Variants in SCAPER observed in about 807,000 individuals in gnomAD.
The protein encoded by SCAPER is S phase cyclin A-associated protein in the endoplasmic reticulum.
SCAPER carries 98 observed loss-of-function variants against 182.2 expected under a neutral mutation model. The observed-to-expected ratio is 0.54, with a 90% confidence interval of 0.46 to 0.64. The LOEUF (loss-of-function observed/expected upper bound fraction) is 0.64. SCAPER is among the 30% of genes least tolerant of loss of function. The probability of loss-of-function intolerance (pLI) is 0.00; values close to 1 mark genes in which losing one functional copy is unlikely to be tolerated. For synonymous variants in SCAPER, 605 were observed against 564.6 expected (o/e 1.07, Z -1.01); for missense variants, 1,432 against 1,690.0 (o/e 0.85, Z 2.68).
intron 29 of SCAPER, among the ~76,000 whole-genome samples, chr15:76,363,717 A>G (rs2141761313): frequency 6.6e-6 from 1 of 152,364 alleles, no homozygotes; most frequent in East Asian, 1.9e-4. Flanking sequence ...AAATTCATTA[A>G]AAAAGACAGC....
At chr15:76,419,874 T>C (rs982722245) in intron 26 of SCAPER, among the ~76,000 whole-genome samples, 1 of 152,132 alleles carries the variant, frequency 6.6e-6, no homozygotes, top group African/African-American at 2.4e-5. Flanking sequence ...TGAACACAGA[T>C]GCAAAAATTC....
chr15:76,898,510 T>A (rs1364984610), intron 1 of SCAPER, among the ~76,000 whole-genome samples: 1 of 152,146 alleles, frequency 6.6e-6, no homozygotes, highest in African/African-American at 2.4e-5. Context: ...AACTGATAAA[T>A]GAATAAATAA....
intron 1 of SCAPER, among the ~76,000 whole-genome samples, chr15:76,886,125 T>C (rs1331181557): frequency 1.3e-5 from 2 of 152,184 alleles, no homozygotes; most frequent in Non-Finnish European, 2.9e-5. Flanking sequence ...AAATTGTACA[T>C]GAACCCCATA....
intron 4 of SCAPER, among the ~76,000 whole-genome samples, chr15:76,850,818 C>T (rs778588220): frequency 7.0e-4 from 104 of 148,008 alleles, no homozygotes; most frequent in Non-Finnish European, 1.3e-3. Flanking sequence ...AGAGATTGCG[C>T]CATTGTATTC....
At chr15:76,545,625 G>A (rs2045210270) in intron 23 of SCAPER, among the ~76,000 whole-genome samples, 1 of 152,108 alleles carries the variant, frequency 6.6e-6, no homozygotes. Flanking sequence ...GCTATCTCAG[G>A]ACTGTGATGC....
chr15:76,459,563 T>C (rs1282677185), intron 25 of SCAPER, among the ~76,000 whole-genome samples: 9 of 151,306 alleles, frequency 5.9e-5, no homozygotes, highest in Non-Finnish European at 1.2e-4. Flanking sequence ...TTTGCTGTTG[T>C]ATACTCTGGA....
At chr15:76,622,301 A>C (rs1179732468) in intron 21 of SCAPER, among the ~76,000 whole-genome samples, 1 of 152,182 alleles carries the variant, frequency 6.6e-6, no homozygotes, top group Non-Finnish European at 1.5e-5. Flanking sequence ...AAAGAGGAAA[A>C]TGCCAATTTA....
intron 23 of SCAPER, among the ~76,000 whole-genome samples, chr15:76,546,946 T>A (rs2045350239): frequency 1.3e-5 from 2 of 152,170 alleles, no homozygotes; most frequent in South Asian, 4.1e-4. Flanking sequence ...TTCTGCCATT[T>A]TTCCACTGAT....
chr15:76,607,302 C>G (rs562580182), intron 22 of SCAPER, among the ~76,000 whole-genome samples: 6 of 152,270 alleles, frequency 3.9e-5, no homozygotes, highest in East Asian at 1.9e-4. Flanking sequence ...ATATGAAATT[C>G]TGGGTTGAAA....
intron 26 of SCAPER, among the ~76,000 whole-genome samples, chr15:76,421,538 C>A (rs1005103790): frequency 6.6e-6 from 1 of 151,162 alleles, no homozygotes; most frequent in African/African-American, 2.4e-5. Context: ...GTCAGATGAG[C>A]AGATTGCAAA....
At chr15:76,904,652 T>C (rs1195001405) in intron 1 of SCAPER, 2 of 152,250 alleles carry the variant, frequency 1.3e-5, no homozygotes, top group African/African-American at 4.8e-5. Flanking sequence ...AAGGAAGTGC[T>C]GTTTTGGAAA....
intron 24 of SCAPER, among the ~76,000 whole-genome samples, chr15:76,497,579 A>T (rs1049073938): frequency 6.6e-6 from 1 of 152,056 alleles, no homozygotes; most frequent in Non-Finnish European, 1.5e-5. Flanking sequence ...AAGGAAGGAA[A>T]CTCATAGTAA....
intron 21 of SCAPER, among the ~76,000 whole-genome samples, chr15:76,636,249 C>T (rs1208101576): frequency 6.6e-6 from 1 of 152,120 alleles, no homozygotes; most frequent in East Asian, 1.9e-4. Flanking sequence ...AAGTGGCCTC[C>T]ATCATCTCCA....
At chr15:76,492,176 C>T (rs1244917013) in intron 24 of SCAPER, among the ~76,000 whole-genome samples, 1 of 152,142 alleles carries the variant, frequency 6.6e-6, no homozygotes, top group Non-Finnish European at 1.5e-5. Context: ...TACTCTCTTC[C>T]TCTCCCCAAA....
chr15:76,889,160 A>G (rs2074024607), intron 1 of SCAPER, among the ~76,000 whole-genome samples: 1 of 152,344 alleles, frequency 6.6e-6, no homozygotes, highest in East Asian at 1.9e-4. Flanking sequence ...CCTGCCTTAT[A>G]AGAGCTCCTG....
intron 21 of SCAPER, among the ~76,000 whole-genome samples, chr15:76,645,758 T>C (rs1457325623): frequency 6.6e-6 from 1 of 152,196 alleles, no homozygotes; most frequent in Non-Finnish European, 1.5e-5. Context: ...TCATGTTCTA[T>C]ACACTTTTGT....
chr15:76,408,887 G>A (rs894410647), intron 26 of SCAPER, among the ~76,000 whole-genome samples: 7 of 151,978 alleles, frequency 4.6e-5, no homozygotes, highest in African/African-American at 1.2e-4. Context: ...CTAGGTTTCC[G>A]GTACCATCCT....
chr15:76,397,558 G>A (rs567341921), intron 27 of SCAPER, among the ~76,000 whole-genome samples: 1 of 127,412 alleles, frequency 7.8e-6, no homozygotes, highest in East Asian at 2.7e-4. Flanking sequence ...TTGGCTCACC[G>A]CAACCTCCAC....
chr15:76,862,344 G>A, intron 3 of SCAPER, 72 bp downstream of exon 3: 1 of 906,672 alleles, frequency 1.1e-6, no homozygotes, highest in Non-Finnish European at 1.7e-6. Flanking sequence ...ACAGTTTTCA[G>A]TCTATCTCTT....
Sources: allele counts gnomAD v4.1 joint callset (sites outside exome capture counted in the v4.1 genomes callset), GRCh38; gene constraint gnomAD v4.1.1; transcripts MANE v1.5; gene names NCBI Gene and HGNC (gene_info 2026-07-23, HGNC 2026-07-21).